PRKN: variants seen among roughly 807,000 people sequenced by gnomAD.
PRKN encodes the protein parkin RBR E3 ubiquitin protein ligase, also known as E3 ubiquitin-protein ligase parkin.
PRKN carries 56 observed loss-of-function variants against 59.5 expected under a neutral mutation model. That is an observed-to-expected ratio of 0.94 (90% CI 0.76 to 1.18). PRKN has a LOEUF of 1.18. Among genes scored for constraint, PRKN ranks in the 50% most tolerant of loss-of-function variants. The pLI is 0.00. For synonymous variants in PRKN, 250 were observed against 222.1 expected, an observed-to-expected ratio of 1.13 and a Z score of -1.12; for missense variants, 657 against 596.4, an observed-to-expected ratio of 1.10 and a Z score of -1.06.
At chr6:162,558,941 A>G (rs895677135) in intron 1 of PRKN, among the ~76,000 whole-genome samples, 3 of 152,062 alleles carry the variant, frequency 2.0e-5, no homozygotes, top group Non-Finnish European at 4.4e-5. Flanking sequence ...GCGCCCAGCC[A>G]ACTTTTCTAC....
rs558881203 is a variant in PRKN, at chr6:162,553,786, A to T, written c.8-110313T>A. 3.2e-5 allele frequency among the ~76,000 whole-genome samples: 4 copies of T among 126,046 alleles called. No homozygotes were observed. In the East Asian group the frequency reaches 1.1e-3, roughly 34 times the overall value. 82.7% of individuals were successfully genotyped at this position (126,046 alleles called of 152,430 possible). A position where few individuals can be genotyped will look rare whatever the true frequency, so the allele number is the denominator to read the frequency against. On this transcript the variant is annotated intron_variant, in intron 1 of 11. Transcript: ENST00000366898. Reference sequence around the variant, plus strand: ...CACTGTACTCCAGTATGGGCAACAGAGCAAGAATCCATCTCAAAAAAAAAA... The same window carrying T: ...CACTGTACTCCAGTATGGGCAACAGTGCAAGAATCCATCTCAAAAAAAAAA...
At chr6:162,338,805 A>G (rs1371375770) in intron 2 of PRKN, among the ~76,000 whole-genome samples, 1 of 150,258 alleles carries the variant, frequency 6.7e-6, no homozygotes, top group Non-Finnish European at 1.5e-5. Context: ...CTAGGAAGTG[A>G]GGAGCGCCTC....
At chr6:161,436,811 C>T (rs978908906) in intron 9 of PRKN, among the ~76,000 whole-genome samples, 2 of 152,070 alleles carry the variant, frequency 1.3e-5, no homozygotes, top group Non-Finnish European at 1.5e-5. Flanking sequence ...GAGTAGCTTT[C>T]AGTGTCTGAA....
At chr6:162,011,188 T>A (rs1367809789) in intron 5 of PRKN, among the ~76,000 whole-genome samples, 2 of 70,484 alleles carry the variant, frequency 2.8e-5, no homozygotes, top group African/African-American at 5.6e-5. Context: ...GTATATTTTA[T>A]AATATATACT....
chr6:161,977,483 A>T (rs1304341649), intron 5 of PRKN, among the ~76,000 whole-genome samples: 1 of 151,746 alleles, frequency 6.6e-6, no homozygotes, highest in Non-Finnish European at 1.5e-5. Context: ...CTGCATAATA[A>T]GCAAATCTGC....
Position 161,359,599 on chromosome 6 carries a change from C to A in PRKN, c.1285+489G>T, listed in dbSNP as rs1260409490. Among the ~76,000 whole-genome samples the A allele has an allele frequency of 6.6e-6, 1 of 152,238 alleles. No homozygotes were observed. On this transcript the variant is annotated intron_variant, in intron 11 of 11. Coordinates refer to ENST00000366898, the MANE Select transcript of PRKN (RefSeq NM_004562.3). The surrounding 1 kb of genome is among the most constrained non-coding windows in gnomAD (Gnocchi z 5.4). The stretch of plus-strand genomic sequence containing the variant: ...AGGATAGACAGCAGGAAGTCCCCCA[C>A]TGGTACTGTGAGTCATCAGGGGCAG...
At chr6:162,387,963 G>C (rs557588301) in intron 2 of PRKN, among the ~76,000 whole-genome samples, 1 of 152,280 alleles carries the variant, frequency 6.6e-6, no homozygotes, top group South Asian at 2.1e-4. Flanking sequence ...AACAGTGAAC[G>C]TGACAGACAA....
intron 1 of PRKN, among the ~76,000 whole-genome samples, chr6:162,473,037 A>G (rs946807365): frequency 3.9e-5 from 6 of 152,000 alleles, no homozygotes; most frequent in Admixed American, 3.3e-4. Flanking sequence ...TCCTTCAAAG[A>G]AAACATGGTT....
intron 1 of PRKN, among the ~76,000 whole-genome samples, chr6:162,545,429 C>A (rs976799157): frequency 6.6e-6 from 1 of 152,086 alleles, no homozygotes; most frequent in African/African-American, 2.4e-5. Flanking sequence ...CTCCACTTCC[C>A]GGAAAAGGCA....
At position 161,352,726 on chromosome 6, in the gene PRKN, A is replaced by AGTGT. The variant is rs373703677; in HGVS notation, c.1286-2519_1286-2516dup. ...TATATAAACACAAATATGTATGAAGAGTGTGTGTGTGTGTGTGTGTGTGTG... is the reference window on the plus strand; with the variant it reads ...TATATAAACACAAATATGTATGAAGAGTGTGTGTGTGTGTGTGTGTGTGTGTGTG... On this transcript the variant is annotated intron_variant, in intron 11 of 11. Coordinates refer to ENST00000366898, the MANE Select transcript of PRKN (RefSeq NM_004562.3). The surrounding 1 kb of genome is among the most constrained non-coding windows in gnomAD (Gnocchi z 5.8). Among the ~76,000 whole-genome samples the AGTGT allele has an allele frequency of 1.2e-3, 157 of 128,516 alleles. No homozygotes were observed. Among genetic ancestry groups the AGTGT allele is most frequent in the African/African-American group, 1.7e-3 (55 of 32,888 alleles). 84.3% of individuals were successfully genotyped at this position (128,516 alleles called of 152,430 possible).
At chr6:161,811,404 C>T (rs1791552669) in intron 6 of PRKN, among the ~76,000 whole-genome samples, 1 of 152,110 alleles carries the variant, frequency 6.6e-6, no homozygotes, top group Non-Finnish European at 1.5e-5. Context: ...GTACTGGCAT[C>T]AGGATGGATA....
At chr6:161,718,545 C>T (rs1787084470) in intron 7 of PRKN, among the ~76,000 whole-genome samples, 1 of 151,894 alleles carries the variant, frequency 6.6e-6, no homozygotes, top group African/African-American at 2.4e-5. Flanking sequence ...TTTCAGGGGG[C>T]TAGAGATGTG....
At chr6:162,351,752 AC>A (rs781716440) in intron 2 of PRKN, among the ~76,000 whole-genome samples, 9 of 152,194 alleles carry the variant, frequency 5.9e-5, no homozygotes, top group Non-Finnish European at 1.0e-4. Flanking sequence ...ATACACTGTA[AC>A]ATAGATGAAT....
At chr6:162,368,248 A>C (rs1318174488) in intron 2 of PRKN, among the ~76,000 whole-genome samples, 1 of 152,102 alleles carries the variant, frequency 6.6e-6, no homozygotes, top group Non-Finnish European at 1.5e-5. Flanking sequence ...TACACAGGTA[A>C]GAGAGTGAGG....
chr6:162,172,926 G>A (rs1783355987), intron 4 of PRKN, among the ~76,000 whole-genome samples: 1 of 152,110 alleles, frequency 6.6e-6, no homozygotes, highest in South Asian at 2.1e-4. Context: ...GGGGCGTGTG[G>A]GAGTGTAGAG....
In PRKN at chr6:161,442,257, A is replaced by C. The variant is rs950817372; in HGVS notation, c.1084-55380T>G. On this transcript the variant is annotated intron_variant, in intron 9 of 11. Coordinates refer to ENST00000366898, the MANE Select transcript of PRKN (RefSeq NM_004562.3). This position sits in a 1 kb window ranked among gnomAD's most constrained non-coding sequence, Gnocchi z 4.6. ...TGAAGGAGAATTATTTCTCCACTTC[A>C]AAAGTCAGTACAGAGCCATTGAAGG... 1.3e-5 allele frequency among the ~76,000 whole-genome samples: 2 copies of C among 152,216 alleles called. No homozygotes were observed. The highest frequency in any genetic ancestry group is 2.9e-5 in the Non-Finnish European group (2 of 68,036).
At chr6:162,339,618 A>G (rs1416161911) in intron 2 of PRKN, among the ~76,000 whole-genome samples, 6 of 151,232 alleles carry the variant, frequency 4.0e-5, no homozygotes, top group African/African-American at 9.7e-5. Context: ...CTGCCTGGCC[A>G]CCACCCCGTC....
chr6:161,514,923 T>A (rs375433210), intron 9 of PRKN, among the ~76,000 whole-genome samples: 7 of 152,156 alleles, frequency 4.6e-5, no homozygotes, highest in African/African-American at 1.7e-4. Flanking sequence ...AAGCCAAGGG[T>A]GTCCCCTGGT....
chr6:161,485,987 T>C (rs1189286763), intron 9 of PRKN, among the ~76,000 whole-genome samples: 1 of 152,142 alleles, frequency 6.6e-6, no homozygotes. Context: ...CTGTGAAAGT[T>C]CTAAGGTCCC....
Sources: allele counts gnomAD v4.1 joint callset (sites outside exome capture counted in the v4.1 genomes callset), GRCh38; gene constraint gnomAD v4.1.1; non-coding constraint Gnocchi (gnomAD v3.1); transcripts MANE v1.5; gene names NCBI Gene and HGNC (gene_info 2026-07-23, HGNC 2026-07-21).